The following SCN4A variants were observed in gnomAD, a reference collection of about 807,000 sequenced individuals.
SCN4A encodes sodium channel protein type 4 subunit alpha.
Under a neutral mutation model 162.0 loss-of-function variants are expected in SCN4A, and 83 were observed. The ratio of observed to expected loss-of-function variants is 0.51; its 90% CI spans 0.43 to 0.61. The LOEUF (loss-of-function observed/expected upper bound fraction) is 0.61, where lower values mean the gene tolerates loss of function less well. SCN4A is among the 20% of genes least tolerant of loss of function. The pLI is 0.00. For missense variants in SCN4A, 2,196 were observed against 2,462.5 expected (o/e 0.89, Z 2.29); for synonymous variants, 944 against 985.1 (o/e 0.96, Z 0.78).
rs554862462 is a variant in SCN4A, at chr17:63,950,779, C to T, written c.2853+645G>A. On this transcript the variant is annotated intron_variant, in intron 14 of 23. Coordinates refer to ENST00000435607, the MANE Select transcript of SCN4A (RefSeq NM_000334.4). The surrounding 1 kb of genome is among the most constrained non-coding windows in gnomAD (Gnocchi z 4.6). The stretch of plus-strand genomic sequence containing the variant: ...CAGCTGCTGGGGGTTACCACCGCTG[C>T]GTTCCTGTCCCTTCCTCGACCTCGC... Among the ~76,000 whole-genome samples the T allele has an allele frequency of 2.8e-4, 43 of 152,306 alleles. No homozygotes were observed. The highest frequency in any genetic ancestry group is 4.1e-4 in the African/African-American group (17 of 41,576).
At position 63,944,212 on chromosome 17, in the gene SCN4A, C is replaced by T. The variant is rs1413438685; in HGVS notation, c.3913-362G>A. Among the ~76,000 whole-genome samples the T allele has an allele frequency of 6.6e-6, 1 of 152,060 alleles. No homozygotes were observed. Among genetic ancestry groups the T allele is most frequent in the Non-Finnish European group, 1.5e-5 (1 of 67,994 alleles). ...TGGAGTGCAGTGGCGCGATCTTGGC[C>T]CACTGCAACCTCCATCTCCTGGGTT... On this transcript the variant is annotated intron_variant, in intron 21 of 23. Coordinates refer to ENST00000435607, the MANE Select transcript of SCN4A (RefSeq NM_000334.4). This position sits in a 1 kb window ranked among gnomAD's most constrained non-coding sequence, Gnocchi z 4.3.
chr17:63,964,507 C>T lies in SCN4A; in HGVS notation c.1413G>A (p.Met471Ile), dbSNP rs527384137. The change falls in exon 9 of 24, where the codon ATG becomes ATA. Residue 471 changes from methionine (M) to isoleucine (I), a missense_variant. Met to Ile is a conservative substitution (Grantham distance 10). Transcript: ENST00000435607. ...CCTGGTGCTTTTTGAACTTCTCAAG[C>T]ATCTGCTGAAACTCCTCCTCTTTCT... Reference protein sequence around the residue: ...DKEKEEEFQQMLEKFKKHQEE... With the variant: ...DKEKEEEFQQILEKFKKHQEE... 473 of 1,614,068 alleles carry T rather than the reference C, an allele frequency of 2.9e-4. 4 individuals carry two copies. The Middle Eastern group carries it at 4.5e-3, about 15-fold the overall frequency.
intron 5 of SCN4A, among the ~76,000 whole-genome samples, chr17:63,969,712 C>T (rs1053043950): frequency 1.1e-4 from 16 of 151,284 alleles, no homozygotes; most frequent in Admixed American, 2.6e-4. Context: ...GGTGTGATCT[C>T]GGCTCACTGC....
intron 13 of SCN4A, among the ~76,000 whole-genome samples, chr17:63,955,212 A>G (rs1047375769): frequency 6.6e-6 from 1 of 152,124 alleles, no homozygotes; most frequent in African/African-American, 2.4e-5. Flanking sequence ...TGCCTCCTCG[A>G]GAGTGTGGAA....
Position 63,961,447 on chromosome 17 carries a change from T to C in SCN4A, c.1607-16A>G, listed in dbSNP as rs2144799065. ...TCTTCCAGTTCTGGGAGAGGGGTGG[T>C]AGCAGGTATCTGGTGAGGATTATCC... On this transcript the variant is annotated splice_polypyrimidine_tract_variant and intron_variant, in intron 10 of 23. Transcript: ENST00000435607. The C allele has an allele frequency of 3.2e-6, 5 of 1,582,128 alleles. No individual in the cohort carries two copies. Among genetic ancestry groups the C allele is most frequent in the Non-Finnish European group, 4.3e-6 (5 of 1,151,474 alleles).
chr17:63,963,792 C>T lies in SCN4A; in HGVS notation c.1486G>A (p.Ala496Thr), dbSNP rs1348330973. Reference sequence around the variant, plus strand: ...TTGCCATGGGCTGGGTCCCCATCTGCCTCCCCACCTTCCAGAGCTTGGGCG... The same window carrying T: ...TTGCCATGGGCTGGGTCCCCATCTGTCTCCCCACCTTCCAGAGCTTGGGCG... The part of the protein sequence containing the change: ...KAAQALEGGE[A>T]DGDPAHGKDC... The change falls in exon 10 of 24, where the codon GCA (alanine) becomes ACA (threonine). Residue 496 changes from alanine to threonine, a missense_variant. Transcript: ENST00000435607. 1 of 1,606,358 alleles carries T rather than the reference C, an allele frequency of 6.2e-7. No individual in the cohort carries two copies. The highest frequency in any genetic ancestry group is 1.7e-5 in the Admixed American group (1 of 59,252).
Position 63,951,898 on chromosome 17 carries a change from G to A in SCN4A, c.2379C>T (p.Val793=). The part of the protein sequence containing the change: ...LMVMVIGNLV[V]LNLFLALLLS... ...GCAGCAGAGCCAGGAACAGGTTCAGGACCTGGGGCATGGGGTCAGGGGGAG... is the reference window on the plus strand; with the variant it reads ...GCAGCAGAGCCAGGAACAGGTTCAGAACCTGGGGCATGGGGTCAGGGGGAG... Residue 793 remains valine (V), a splice_region_variant and synonymous_variant, in exon 14 of 24, where the codon GTC becomes GTT. Transcript: ENST00000435607. This position sits in a 1 kb window ranked among gnomAD's most constrained non-coding sequence, Gnocchi z 4.5. 2.6e-6 allele frequency: 4 copies of A among 1,523,174 alleles called. No individual in the cohort carries two copies. The highest frequency in any genetic ancestry group is 3.5e-6 in the Non-Finnish European group (4 of 1,137,038). The allele number at this position is 1,523,174 out of a possible 1,614,324, so 94.4% of individuals were successfully genotyped here. A position where few individuals can be genotyped will look rare whatever the true frequency, so the allele number is the denominator to read the frequency against.
At chr17:63,959,590 C>T (rs1057402113) in intron 11 of SCN4A, among the ~76,000 whole-genome samples, 152 bp from the exon 12 acceptor site, 1 of 152,096 alleles carries the variant, frequency 6.6e-6, no homozygotes, top group Non-Finnish European at 1.5e-5. Context: ...ATGCATGGCC[C>T]GTGTGTGTAT....
chr17:63,961,481 GC>G (rs1567824811), intron 10 of SCN4A, 50 bp from the exon 11 acceptor site: 4 of 1,350,478 alleles, frequency 3.0e-6, no homozygotes, highest in South Asian at 2.4e-5. Flanking sequence ...CCCCTCACGT[GC>G]CCCCGGCTCC....
chr17:63,949,170 C>T (rs1048056531), intron 15 of SCN4A, among the ~76,000 whole-genome samples: 2 of 152,330 alleles, frequency 1.3e-5, no homozygotes, highest in East Asian at 3.9e-4. Context: ...GAGCTGACAC[C>T]CACACTCCTG....
At chr17:63,963,977 C>A (rs1036391202) in intron 9 of SCN4A, among the ~76,000 whole-genome samples, 152 bp from the exon 10 acceptor site, 1 of 152,160 alleles carries the variant, frequency 6.6e-6, no homozygotes, top group Non-Finnish European at 1.5e-5. Flanking sequence ...GAGGGACCAA[C>A]CTCCATGGTG....
In SCN4A at chr17:63,950,579, TG is replaced by T. The variant is rs1038718602; in HGVS notation, c.2853+844del. Among the ~76,000 whole-genome samples, 12 of 152,100 alleles carry T rather than the reference TG, an allele frequency of 7.9e-5. No individual in the cohort carries two copies. Among genetic ancestry groups the T allele is most frequent in the Non-Finnish European group, 1.6e-4 (11 of 68,024 alleles). On this transcript the variant is annotated intron_variant, in intron 14 of 23. Coordinates refer to ENST00000435607, the MANE Select transcript of SCN4A (RefSeq NM_000334.4). The surrounding 1 kb of genome is among the most constrained non-coding windows in gnomAD (Gnocchi z 4.6). The stretch of plus-strand genomic sequence containing the variant: ...TCGCTTCCTGGTAAGCCAGCATATT[TG>T]GGGGGAATAAGGAGTCAAAAGCTTT...
intron 12 of SCN4A, among the ~76,000 whole-genome samples, 186 bp downstream of exon 12, chr17:63,959,079 G>C (rs1275794708): frequency 6.6e-6 from 1 of 152,156 alleles, no homozygotes; most frequent in East Asian, 1.9e-4. Context: ...AGAAGACAGG[G>C]CTCTCCTTTT....
In SCN4A at chr17:63,968,192, G is replaced by A; in HGVS notation, c.867C>T (p.Asp289=). ...CATTGCTGTACCACGTGGTGTTGGTGTCGTTGAACGGCGGGGGCCAGCGCA... is the reference window on the plus strand; with the variant it reads ...CATTGCTGTACCACGTGGTGTTGGTATCGTTGAACGGCGGGGGCCAGCGCA... ...KCVRWPPPFN[D]TNTTWYSNDT... is the part of the protein sequence containing the mutation. The change falls in exon 6 of 24, where the codon GAC becomes GAT. Residue 289 remains aspartate, a synonymous_variant. Transcript: ENST00000435607. 1.2e-6 allele frequency: 2 copies of A among 1,614,034 alleles called. No individual in the cohort carries two copies. Among genetic ancestry groups the A allele is most frequent in the Non-Finnish European group, 1.7e-6 (2 of 1,179,908 alleles).
At chr17:63,967,935 A>AC in intron 6 of SCN4A, 88 bp downstream of exon 6, 2 of 806,800 alleles carry the variant, frequency 2.5e-6, no homozygotes, top group South Asian at 4.9e-5. Flanking sequence ...CTCCATCTCA[A>AC]AAAAAAAAAA....
chr17:63,963,791 G>T lies in SCN4A; in HGVS notation c.1487C>A (p.Ala496Glu), dbSNP rs767478548. The stretch of plus-strand genomic sequence containing the variant: ...TTTGCCATGGGCTGGGTCCCCATCT[G>T]CCTCCCCACCTTCCAGAGCTTGGGC... ...KAAQALEGGE[A>E]DGDPAHGKDC... Residue 496 changes from alanine to glutamate, a missense_variant, in exon 10 of 24, where the codon GCA becomes GAA. By Grantham distance (107) the Ala-to-Glu change is moderately radical (BLOSUM62 -1). Transcript: ENST00000435607. The T allele has an allele frequency of 1.9e-6, 3 of 1,606,268 alleles. No homozygotes were observed. The highest frequency in any genetic ancestry group is 2.5e-6 in the Non-Finnish European group (3 of 1,176,746).
At position 63,968,214 on chromosome 17, in the gene SCN4A, CGCACACACT is replaced by C; in HGVS notation, c.836_844del (p.Lys279_Arg282delinsSer). 6.2e-7 allele frequency: 1 copy of C among 1,614,002 alleles called. No individual in the cohort carries two copies. The highest frequency in any genetic ancestry group is 8.5e-7 in the Non-Finnish European group (1 of 1,179,892). On this transcript the variant is annotated inframe_deletion, in exon 6 of 24. Transcript: ENST00000435607. Reference sequence around the variant, plus strand: ...GGTGTCGTTGAACGGCGGGGGCCAGCGCACACACTTCTGCCTCAGGTTTCCCATGAAGAG... The same window carrying C: ...GGTGTCGTTGAACGGCGGGGGCCAGCTCTGCCTCAGGTTTCCCATGAAGAG...
Position 63,948,752 on chromosome 17 carries a change from G to A in SCN4A, c.3003C>T (p.Arg1001=). 6.2e-7 allele frequency: 1 copy of A among 1,608,632 alleles called. No individual in the cohort carries two copies. Among genetic ancestry groups the A allele is most frequent in the South Asian group, 1.1e-5 (1 of 90,828 alleles). ...EECFTEACVQ[R]WPCLYVDISQ... ...AGATGTCCACGTAGAGGCAGGGCCA[G>A]CGCTGCACGCAGGCTGATGGGGTGA... Residue 1001 remains arginine, a synonymous_variant, in exon 16 of 24, where the codon CGC becomes CGT. Coordinates refer to ENST00000435607, the MANE Select transcript of SCN4A (RefSeq NM_000334.4).
chr17:63,961,702 A>C, intron 10 of SCN4A: 1 of 475,056 alleles, frequency 2.1e-6, no homozygotes, highest in Non-Finnish European at 3.8e-6. Flanking sequence ...AGCACCCTCC[A>C]GATCCCGCCC....
Sources: allele counts gnomAD v4.1 joint callset (sites outside exome capture counted in the v4.1 genomes callset), GRCh38; gene constraint gnomAD v4.1.1; non-coding constraint Gnocchi (gnomAD v3.1); transcripts MANE v1.5; gene names NCBI Gene and HGNC (gene_info 2026-07-23, HGNC 2026-07-21).